ROBO2: variants seen among roughly 807,000 people sequenced by gnomAD.
ROBO2 encodes the protein roundabout homolog 2.
A neutral mutation model predicts 160.8 loss-of-function variants in ROBO2; 53 were observed. The ratio of observed to expected loss-of-function variants is 0.33; its 90% confidence interval spans 0.26 to 0.41. The LOEUF is 0.41. ROBO2 is among the 10% of genes least tolerant of loss of function. The pLI is 1.00. For missense variants in ROBO2, 1,577 were observed against 1,722.4 expected (o/e 0.92, Z 1.49); for synonymous variants, 664 against 611.7 (o/e 1.09, Z -1.26).
chr3:76,815,825 C>A (rs987936273), intron 2 of ROBO2, among the ~76,000 whole-genome samples: 1 of 152,028 alleles, frequency 6.6e-6, no homozygotes, highest in African/African-American at 2.4e-5. Flanking sequence ...TTTCCTCACT[C>A]ATATTTAGTA....
intron 2 of ROBO2, among the ~76,000 whole-genome samples, chr3:75,963,827 G>A (rs1214971110): frequency 4.6e-5 from 7 of 151,614 alleles, no homozygotes; most frequent in South Asian, 2.1e-4. Context: ...CTGTCTTCAC[G>A]CAGTTGTACT....
intron 2 of ROBO2, among the ~76,000 whole-genome samples, chr3:76,716,280 G>C (rs958743463): frequency 2.0e-5 from 3 of 152,062 alleles, no homozygotes; most frequent in Admixed American, 1.3e-4. Flanking sequence ...GGCCTTTAAA[G>C]CTGCTTAACT....
rs111997787 is a variant in ROBO2, at chr3:76,038,796, ATGTG to A, written c.109+101210_109+101213del. Among the ~76,000 whole-genome samples the A allele has an allele frequency of 7.2e-3, 1,082 of 149,652 alleles. 60 individuals carry two copies. In the East Asian group the frequency reaches 0.15, roughly 21 times the overall value. ...TGTGTGTGTGTGTGTGTGTGTATGT[ATGTG>A]TGTGTGTGTGTGTGTTTAAAGAGTG... On this transcript the variant is annotated intron_variant, in intron 2 of 26. Coordinates refer to the ROBO2 transcript ENST00000487694.
chr3:77,379,209 G>A (rs1214379757), intron 2 of ROBO2, among the ~76,000 whole-genome samples: 1 of 152,074 alleles, frequency 6.6e-6, no homozygotes, highest in African/African-American at 2.4e-5. Context: ...GCCTCCCCAA[G>A]TGCTGGGATT....
At chr3:76,837,542 T>C (rs1159860456) in intron 2 of ROBO2, among the ~76,000 whole-genome samples, 2 of 151,642 alleles carry the variant, frequency 1.3e-5, no homozygotes, top group African/African-American at 4.8e-5. Flanking sequence ...CCCAAACATA[T>C]AGAAAGTTTG....
chr3:77,307,933 G>A (rs2063227554), intron 2 of ROBO2, among the ~76,000 whole-genome samples: 2 of 151,974 alleles, frequency 1.3e-5, no homozygotes, highest in South Asian at 4.2e-4. Context: ...ACTCCAGCCT[G>A]AGCAACAGAA....
rs184689757 is a variant in ROBO2 at position 77,420,730 on chromosome 3, C to T, written c.389-56684C>T. 3.9e-5 allele frequency among the ~76,000 whole-genome samples: 6 copies of T among 152,216 alleles called. No individual in the cohort carries two copies. The East Asian group carries it at 1.2e-3, about 29-fold the overall frequency. On this transcript the variant is annotated intron_variant, in intron 2 of 25. Coordinates refer to ENST00000461745, the Ensembl canonical transcript of ROBO2. ...TGGAGTGCCTGAAGCTCCTTTCAGG[C>T]TACCAGACTCTGCTGATTTGGAGAT...
At chr3:77,329,056 C>T (rs10084692) in intron 2 of ROBO2, among the ~76,000 whole-genome samples, 65,567 of 151,936 alleles carry the variant, frequency 0.43, 17,451 homozygotes, top group Non-Finnish European at 0.61. Context: ...TGTGTTGATC[C>T]AAGTCTCCCT....
rs188329363 is a variant in ROBO2 at position 77,390,033 on chromosome 3, G to A, written c.389-87381G>A. On this transcript the variant is annotated intron_variant, in intron 2 of 25. Coordinates refer to ENST00000461745, the Ensembl canonical transcript of ROBO2. ...GTGTATTTAAACAGCAGCAACCTAT[G>A]TCCAGAAGAGAGGAAACAGATTTTC... Among the ~76,000 whole-genome samples the A allele has an allele frequency of 1.1e-3, 173 of 152,282 alleles. 2 individuals carry two copies. The highest frequency in any genetic ancestry group is 7.3e-4 in the Non-Finnish European group (50 of 68,032).
intron 2 of ROBO2, among the ~76,000 whole-genome samples, chr3:77,002,519 AT>A (rs2061384154): frequency 6.6e-6 from 1 of 152,006 alleles, no homozygotes; most frequent in Non-Finnish European, 1.5e-5. Flanking sequence ...CAAAAATCCA[AT>A]AACTATTAGA....
At chr3:76,066,975 A>G (rs1300670528) in intron 2 of ROBO2, among the ~76,000 whole-genome samples, 1 of 152,138 alleles carries the variant, frequency 6.6e-6, no homozygotes, top group Non-Finnish European at 1.5e-5. Flanking sequence ...TTTAATGTGA[A>G]TTCTTGATTA....
chr3:77,389,676 T>C (rs2074507723), intron 2 of ROBO2, among the ~76,000 whole-genome samples: 1 of 152,124 alleles, frequency 6.6e-6, no homozygotes, highest in Non-Finnish European at 1.5e-5. Context: ...CTTTCCTTCA[T>C]GTCTTTTCTT....
chr3:76,441,929 A>G (rs2076941679), intron 2 of ROBO2, among the ~76,000 whole-genome samples: 1 of 152,314 alleles, frequency 6.6e-6, no homozygotes, highest in South Asian at 2.1e-4. Flanking sequence ...AATGTGCTAC[A>G]TTTAAGGGGA....
chr3:75,965,143 T>G (rs1014439771), intron 2 of ROBO2: 2 of 151,686 alleles, frequency 1.3e-5, no homozygotes, highest in Non-Finnish European at 2.9e-5. Context: ...CAATTGAAAT[T>G]TTCACCCAAG....
chr3:77,242,294 C>G (rs958913422), intron 2 of ROBO2, among the ~76,000 whole-genome samples: 4 of 152,028 alleles, frequency 2.6e-5, no homozygotes, highest in Non-Finnish European at 5.9e-5. Flanking sequence ...TCTCTGTTCC[C>G]TTTTTTTCTG....
At chr3:76,461,205 G>A (rs2078066864) in intron 2 of ROBO2, among the ~76,000 whole-genome samples, 1 of 152,114 alleles carries the variant, frequency 6.6e-6, no homozygotes, top group African/African-American at 2.4e-5. Context: ...TGGCCTGAGT[G>A]GAGCAAGGCT....
chr3:76,308,624 T>C (rs1192460064), intron 2 of ROBO2, among the ~76,000 whole-genome samples: 1 of 152,158 alleles, frequency 6.6e-6, no homozygotes, highest in Admixed American at 6.5e-5. Context: ...CAGATTGTAC[T>C]CTTGTTTATT....
intron 2 of ROBO2, among the ~76,000 whole-genome samples, chr3:77,261,460 A>C (rs551880757): frequency 6.6e-6 from 1 of 152,296 alleles, no homozygotes; most frequent in Non-Finnish European, 1.5e-5. Flanking sequence ...ATATTGTTAT[A>C]ATGTGTTGTC....
In ROBO2 at chr3:77,049,813, A is replaced by G. The variant is rs148421615; in HGVS notation, c.61+8967A>G. Reference sequence around the variant, plus strand: ...AACTATCCCACTGAAAGGCTTTTCAAGTTTAAGCAAGGAACACCCAGTTGA... The same window carrying G: ...AACTATCCCACTGAAAGGCTTTTCAGGTTTAAGCAAGGAACACCCAGTTGA... On this transcript the variant is annotated intron_variant, in intron 1 of 25. Transcript: ENST00000461745. Among the ~76,000 whole-genome samples the G allele has an allele frequency of 2.4e-3, 361 of 152,290 alleles. 5 individuals carry two copies. The highest frequency in any genetic ancestry group is 8.0e-3 in the African/African-American group (331 of 41,566).
Sources: allele counts gnomAD v4.1 joint callset (sites outside exome capture counted in the v4.1 genomes callset), GRCh38; gene constraint gnomAD v4.1.1; transcripts MANE v1.5; gene names NCBI Gene and HGNC (gene_info 2026-07-23, HGNC 2026-07-21).